Variants in ARHGAP17 observed in about 807,000 individuals in gnomAD.
ARHGAP17 encodes Rho GTPase activating protein 17.
Under a neutral mutation model 99.5 loss-of-function variants are expected in ARHGAP17, and 57 were observed. The observed-to-expected ratio is 0.57, with a 90% CI of 0.46 to 0.71. The LOEUF (loss-of-function observed/expected upper bound fraction) is 0.71. ARHGAP17 is among the 30% of genes least tolerant of loss of function. The pLI, the probability that ARHGAP17 is intolerant of heterozygous loss-of-function variation, is 0.00. For missense variants in ARHGAP17, 1,000 were observed against 1,122.4 expected (o/e 0.89, Z 1.56); for synonymous variants, 417 against 429.6 (o/e 0.97, Z 0.36).
Position 24,931,136 on chromosome 16 carries a change from C to T in ARHGAP17, c.2163G>A (p.Gln721=). 6 of 1,605,832 alleles carry T rather than the reference C, an allele frequency of 3.7e-6. No homozygotes were observed. The highest frequency in any genetic ancestry group is 5.1e-6 in the Non-Finnish European group (6 of 1,176,430). The stretch of plus-strand genomic sequence containing the variant: ...GTTTGGTGTGCATCAGTGGCGTGGC[C>T]TGCGTAGGGGGCTGCGGCGGTGGGT... ...PNHPPPQPPT[Q]ATPLMHTKPN... The change falls in exon 19 of 20, where the codon CAG becomes CAA. Residue 721 remains glutamine, a synonymous_variant. Coordinates refer to ENST00000289968, the MANE Select transcript of ARHGAP17 (RefSeq NM_001006634.3).
Position 24,935,617 on chromosome 16 carries a change from C to T in ARHGAP17, c.1747G>A (p.Val583Ile), listed in dbSNP as rs1416031846. The change falls in exon 18 of 20, where the codon GTA (valine) becomes ATA (isoleucine). Residue 583 changes from valine (V) to isoleucine (I), a missense_variant. Physicochemically the swap from Val to Ile is conservative, Grantham distance 29 (BLOSUM62 3). Transcript: ENST00000289968. ...CCTGGTGCTGGCACAGCTGCAGATA[C>T]AGGGTCCTTCGGTTTGGGAGGACTA... ...DGSPPKPKDP[V>I]SAAVPAPGRN... 3 of 1,613,964 alleles carry T rather than the reference C, an allele frequency of 1.9e-6. No individual in the cohort carries two copies. Among genetic ancestry groups the T allele is most frequent in the Admixed American group, 3.3e-5 (2 of 59,996 alleles).
intron 1 of ARHGAP17, among the ~76,000 whole-genome samples, chr16:25,011,990 C>T (rs899028668): frequency 1.3e-5 from 2 of 152,152 alleles, no homozygotes; most frequent in African/African-American, 4.8e-5. Flanking sequence ...CTCTTAAGCA[C>T]TTATCTCATG....
chr16:24,979,995 G>C (rs1236054457), intron 1 of ARHGAP17, among the ~76,000 whole-genome samples: 5 of 152,194 alleles, frequency 3.3e-5, no homozygotes, highest in African/African-American at 1.2e-4. Flanking sequence ...ACATGCGTGA[G>C]CCACCGCGCC....
At chr16:25,002,923 C>T (rs887757660) in intron 1 of ARHGAP17, among the ~76,000 whole-genome samples, 1 of 151,086 alleles carries the variant, frequency 6.6e-6, no homozygotes, top group Non-Finnish European at 1.5e-5. Flanking sequence ...ACTGTAATCC[C>T]AGCTACTCGG....
intron 1 of ARHGAP17, among the ~76,000 whole-genome samples, chr16:24,984,377 C>T (rs1425677516): frequency 6.6e-6 from 1 of 152,134 alleles, no homozygotes; most frequent in Non-Finnish European, 1.5e-5. Context: ...CACTTAAATA[C>T]ATACTGAGGC....
In ARHGAP17 at chr16:24,935,635, G is replaced by T; in HGVS notation, c.1729C>A (p.Pro577Thr). ...GCAGATACAGGGTCCTTCGGTTTGG[G>T]AGGACTAAGAGGAGTAAAAGTCAAG... ...QGPSPGDGSP[P>T]KPKDPVSAAV... Residue 577 changes from proline to threonine, a missense_variant, in exon 18 of 20, where the codon CCC (proline) becomes ACC (threonine). Pro to Thr is a conservative substitution (Grantham distance 38, BLOSUM62 -1). This residue lies in a region of ARHGAP17 where 528 missense variants were observed against 511.4 expected (regional missense o/e 1.03). Coordinates refer to ENST00000289968, the MANE Select transcript of ARHGAP17 (RefSeq NM_001006634.3). The T allele has an allele frequency of 6.2e-7, 1 of 1,613,810 alleles. No homozygotes were observed. The highest frequency in any genetic ancestry group is 1.1e-5 in the South Asian group (1 of 91,076).
intron 3 of ARHGAP17, among the ~76,000 whole-genome samples, chr16:24,971,033 G>A (rs1597430917): frequency 6.6e-6 from 1 of 152,000 alleles, no homozygotes; most frequent in South Asian, 2.1e-4. Context: ...GCATCACCAC[G>A]TCCAGCTAAT....
rs1486001927 is a variant in ARHGAP17 at position 24,920,359 on chromosome 16, G to C, written c.2516-99C>G. On this transcript the variant is annotated intron_variant, in intron 19 of 19. Coordinates refer to ENST00000289968, the MANE Select transcript of ARHGAP17 (RefSeq NM_001006634.3). ...AAGAAGAGAGGCTGGGAAGTTTCAG[G>C]GTCAGCCCATGCACACAGGGTCCCT... 5.4e-6 allele frequency: 8 copies of C among 1,484,552 alleles called. No individual in the cohort carries two copies. In the Admixed American group the frequency reaches 1.4e-4, roughly 27 times the overall value. 92.0% of individuals were successfully genotyped at this position (1,484,552 alleles called of 1,614,324 possible).
chr16:24,985,595 T>G (rs1358113993), intron 1 of ARHGAP17, among the ~76,000 whole-genome samples: 1 of 152,212 alleles, frequency 6.6e-6, no homozygotes, highest in Non-Finnish European at 1.5e-5. Flanking sequence ...TGGGCCCACC[T>G]GGCTAGTCCA....
intron 16 of ARHGAP17, among the ~76,000 whole-genome samples, chr16:24,940,875 G>A (rs189589836): frequency 6.6e-5 from 10 of 152,278 alleles, no homozygotes; most frequent in African/African-American, 2.2e-4. Context: ...TCTTGAGCTC[G>A]TGCTTACTGG....
intron 12 of ARHGAP17, among the ~76,000 whole-genome samples, chr16:24,951,738 T>C (rs146394820): frequency 6.6e-6 from 1 of 152,354 alleles, no homozygotes; most frequent in African/African-American, 2.4e-5. Flanking sequence ...AAGAATACAG[T>C]ATATAATACA....
intron 1 of ARHGAP17, among the ~76,000 whole-genome samples, chr16:24,991,757 G>A (rs1037645480): frequency 6.6e-6 from 1 of 152,208 alleles, no homozygotes. Context: ...GCAAAAGCAA[G>A]TCTCCAAGTA....
At chr16:24,982,998 T>TATATATATA (rs59011851) in intron 1 of ARHGAP17, among the ~76,000 whole-genome samples, 3 of 27,572 alleles carry the variant, frequency 1.1e-4, no homozygotes, top group East Asian at 7.8e-4. Context: ...ATATATATAT[T>TATATATATA]TTTTTTTTTT....
chr16:24,935,939 G>T (rs1295309264), intron 17 of ARHGAP17: 1 of 413,588 alleles, frequency 2.4e-6, no homozygotes, highest in African/African-American at 2.0e-5. Context: ...ACCCTGAGTA[G>T]CCGGGACTAT....
At chr16:24,961,267 A>G (rs1447639333) in intron 7 of ARHGAP17, among the ~76,000 whole-genome samples, 1 of 152,208 alleles carries the variant, frequency 6.6e-6, no homozygotes, top group Non-Finnish European at 1.5e-5. Flanking sequence ...ATTAGGCAGG[A>G]GGAGGATAAT....
Position 24,977,393 on chromosome 16 carries a change from C to T in ARHGAP17, c.94-74G>A, listed in dbSNP as rs569376883. On this transcript the variant is annotated intron_variant, in intron 2 of 19. Coordinates refer to ENST00000289968, the MANE Select transcript of ARHGAP17 (RefSeq NM_001006634.3). The stretch of plus-strand genomic sequence containing the variant: ...GGTGTCTGCATGCTGGTAGGAAAAG[C>T]ATGGCTGAATCTACATGCAGGGAAA... The T allele has an allele frequency of 4.8e-6, 6 of 1,259,452 alleles. No homozygotes were observed. In the African/African-American group the frequency reaches 7.4e-5, roughly 15 times the overall value. 78.0% of individuals were successfully genotyped at this position (1,259,452 alleles called of 1,614,324 possible). A position where few individuals can be genotyped will look rare whatever the true frequency, so the allele number is the denominator to read the frequency against.
chr16:24,926,024 G>A (rs1050979775), intron 19 of ARHGAP17, among the ~76,000 whole-genome samples: 3 of 151,056 alleles, frequency 2.0e-5, no homozygotes, highest in Admixed American at 6.6e-5. Flanking sequence ...GCAGAAGAAT[G>A]GTGTGAACCC....
chr16:24,934,597 G>A, intron 18 of ARHGAP17, among the ~76,000 whole-genome samples: 1 of 152,128 alleles, frequency 6.6e-6, no homozygotes, highest in East Asian at 1.9e-4. Flanking sequence ...GGGACTATAG[G>A]TGTGTGTCAC....
intron 6 of ARHGAP17, among the ~76,000 whole-genome samples, chr16:24,965,754 T>C (rs1251876415): frequency 6.6e-6 from 1 of 152,224 alleles, no homozygotes; most frequent in Admixed American, 6.5e-5. Flanking sequence ...TGCATCTCAG[T>C]TGCCTCATCT....
Sources: allele counts gnomAD v4.1 joint callset (sites outside exome capture counted in the v4.1 genomes callset), GRCh38; gene constraint gnomAD v4.1.1; regional missense constraint gnomAD v4.1.1; transcripts MANE v1.5; gene names NCBI Gene and HGNC (gene_info 2026-07-23, HGNC 2026-07-21).